LYN: variants seen among roughly 807,000 people sequenced by gnomAD.
LYN encodes the protein LYN proto-oncogene, Src family tyrosine kinase, also known as tyrosine-protein kinase Lyn.
A neutral mutation model predicts 65.0 loss-of-function variants in LYN; 12 were observed. The observed-to-expected ratio is 0.18, with a 90% CI of 0.12 to 0.30. The LOEUF (loss-of-function observed/expected upper bound fraction) is 0.30, where lower values mean the gene tolerates loss of function less well. Ranked by LOEUF, LYN falls within the 10% of genes least tolerant of loss-of-function variation. The probability of loss-of-function intolerance (pLI) is 1.00; values close to 1 mark genes in which losing one functional copy is unlikely to be tolerated. For missense variants in LYN, 380 were observed against 623.2 expected (o/e 0.61, Z 4.16); for synonymous variants, 222 against 221.2 (o/e 1.00, Z -0.03).
At chr8:55,909,026 C>CTTT (rs1805517821) in intron 1 of LYN, among the ~76,000 whole-genome samples, 1 of 73,230 alleles carries the variant, frequency 1.4e-5, no homozygotes, top group African/African-American at 5.7e-5. Flanking sequence ...CACACACACA[C>CTTT]ACACACACAC....
chr8:55,950,826 A>G (rs771916199), intron 6 of LYN, 42 bp downstream of exon 6: 18 of 1,394,958 alleles, frequency 1.3e-5, no homozygotes, highest in Non-Finnish European at 1.8e-5. Context: ...ACTATTTAGG[A>G]AATTATTTTT....
chr8:55,974,956 A>G (rs1807714888), intron 10 of LYN, among the ~76,000 whole-genome samples: 1 of 152,140 alleles, frequency 6.6e-6, no homozygotes. Context: ...CCCACTCCAT[A>G]TATAATCTCC....
chr8:55,987,124 C>A (rs1010831702), intron 10 of LYN, among the ~76,000 whole-genome samples: 8 of 152,044 alleles, frequency 5.3e-5, no homozygotes, highest in African/African-American at 1.9e-4. Flanking sequence ...TAAAAAGAAT[C>A]TTTTCTTGCC....
At chr8:55,972,004 G>A (rs1807621150) in intron 10 of LYN, among the ~76,000 whole-genome samples, 1 of 152,136 alleles carries the variant, frequency 6.6e-6, no homozygotes, top group African/African-American at 2.4e-5. Context: ...GGTGACAGGA[G>A]GGCCTGGGGG....
rs1808880726 is a variant in LYN, at chr8:56,013,880, C to T, written c.*3770C>T. 1 of 152,246 alleles carries T rather than the reference C, an allele frequency of 6.6e-6. No homozygotes were observed. The highest frequency in any genetic ancestry group is 2.4e-5 in the African/African-American group (1 of 41,446). The allele number at this position is 152,246 out of a possible 1,614,324, so 9.4% of individuals were successfully genotyped here. A position where few individuals can be genotyped will look rare whatever the true frequency, so the allele number is the denominator to read the frequency against. On this transcript the variant is annotated 3_prime_UTR_variant, in exon 13 of 13. Transcript: ENST00000519728. ...AGAGATCGTAGTTCTCTATTCCCTA[C>T]ATTTTAACTCCACGAATATTTTAGA...
At chr8:55,906,946 A>G (rs980394741) in intron 1 of LYN, among the ~76,000 whole-genome samples, 1 of 152,170 alleles carries the variant, frequency 6.6e-6, no homozygotes, top group Non-Finnish European at 1.5e-5. Context: ...CATCCCTTGC[A>G]AAACAGACTG....
In LYN at chr8:55,924,927, C is replaced by T. The variant is rs148178471; in HGVS notation, c.-5-16928C>T. On this transcript the variant is annotated intron_variant, in intron 1 of 12. Transcript: ENST00000519728. Reference sequence around the variant, plus strand: ...TGCGATCGTGGCTCACTGCAGCCTCCGCCTCCCAGGTTCAAGCGATTTTCC... The same window carrying T: ...TGCGATCGTGGCTCACTGCAGCCTCTGCCTCCCAGGTTCAAGCGATTTTCC... 3.3e-3 allele frequency among the ~76,000 whole-genome samples: 494 copies of T among 150,262 alleles called. 13 individuals carry two copies. The East Asian group carries it at 0.065, about 20-fold the overall frequency.
At position 55,909,028 on chromosome 8, in the gene LYN, CA is replaced by C. The variant is rs1563504872; in HGVS notation, c.-6+28926del. On this transcript the variant is annotated intron_variant, in intron 1 of 12. Transcript: ENST00000519728. ...ATATATATACACACACACACACACA[CA>C]CACACACACACACACACACACACCC... is the stretch of plus-strand genomic sequence containing the variant. 1.4e-3 allele frequency among the ~76,000 whole-genome samples: 87 copies of C among 60,312 alleles called. 17 individuals are homozygous for C. The South Asian group carries it at 0.03, about 21-fold the overall frequency. The allele number at this position is 60,312 out of a possible 152,430, so 39.6% of individuals were successfully genotyped here. A position where few individuals can be genotyped will look rare whatever the true frequency, so the allele number is the denominator to read the frequency against.
chr8:56,009,896 T>C lies in LYN; in HGVS notation c.1337-12T>C. On this transcript the variant is annotated splice_polypyrimidine_tract_variant and intron_variant, in intron 12 of 12. Coordinates refer to ENST00000519728, the MANE Select transcript of LYN (RefSeq NM_002350.4). ...CATGGGTTTCTGTTCTTTTTGTTTTTTTCCACCCTAGGGAGAACTAATGCC... is the reference window on the plus strand; with the variant it reads ...CATGGGTTTCTGTTCTTTTTGTTTTCTTCCACCCTAGGGAGAACTAATGCC... The C allele has an allele frequency of 1.2e-6, 2 of 1,612,338 alleles. No individual in the cohort carries two copies. The highest frequency in any genetic ancestry group is 4.5e-5 in the East Asian group (2 of 44,862).
chr8:55,942,032 C>A, intron 2 of LYN, 41 bp downstream of exon 2: 2 of 1,603,808 alleles, frequency 1.2e-6, no homozygotes, highest in South Asian at 1.1e-5. Flanking sequence ...ACAGCAAGAT[C>A]AAAGCATGGC....
intron 10 of LYN, among the ~76,000 whole-genome samples, chr8:55,984,220 G>A (rs1248403845): frequency 6.6e-6 from 1 of 152,174 alleles, no homozygotes; most frequent in Non-Finnish European, 1.5e-5. Context: ...CACATTCTGA[G>A]GTTCCGGGTG....
chr8:55,942,784 C>CAA lies in LYN; in HGVS notation c.132+811_132+812dup, dbSNP rs397891417. ...TGGGTGACAGAACAAGACTCTGTCT[C>CAA]AAAAAAAAAAAAAAAAAAAGATGTA... On this transcript the variant is annotated intron_variant, in intron 2 of 12. Transcript: ENST00000519728. Among the ~76,000 whole-genome samples, 413 of 83,818 alleles carry CAA rather than the reference C, an allele frequency of 4.9e-3. 9 individuals are homozygous for CAA. Among genetic ancestry groups the CAA allele is most frequent in the African/African-American group, 0.014 (368 of 26,348 alleles). 55.0% of individuals were successfully genotyped at this position (83,818 alleles called of 152,430 possible).
chr8:55,952,535 G>A (rs187268792), intron 7 of LYN, among the ~76,000 whole-genome samples: 1 of 152,332 alleles, frequency 6.6e-6, no homozygotes, highest in African/African-American at 2.4e-5. Flanking sequence ...ACTCCAGCCT[G>A]GGTGACAGAG....
chr8:55,942,866 C>G (rs1240327288), intron 2 of LYN, among the ~76,000 whole-genome samples: 1 of 149,938 alleles, frequency 6.7e-6, no homozygotes, highest in East Asian at 2.0e-4. Flanking sequence ...AAGTCAGAAA[C>G]TAAAATAGGT....
At chr8:55,939,944 A>G (rs529743870) in intron 1 of LYN, among the ~76,000 whole-genome samples, 2 of 152,330 alleles carry the variant, frequency 1.3e-5, no homozygotes, top group South Asian at 2.1e-4. Flanking sequence ...GCAGCTCGCT[A>G]GTTTCAGAAA....
At chr8:55,930,349 C>G (rs1375385555) in intron 1 of LYN, among the ~76,000 whole-genome samples, 1 of 152,170 alleles carries the variant, frequency 6.6e-6, no homozygotes, top group East Asian at 1.9e-4. Context: ...TTTAGATAAG[C>G]TGACAACTCT....
chr8:55,995,330 A>G (rs890677533), intron 10 of LYN, among the ~76,000 whole-genome samples: 2 of 152,198 alleles, frequency 1.3e-5, no homozygotes, highest in Non-Finnish European at 2.9e-5. Flanking sequence ...AAAGCTGTGC[A>G]TCTCCCCAGT....
chr8:55,955,931 C>G (rs901328819), intron 8 of LYN, among the ~76,000 whole-genome samples: 1 of 152,068 alleles, frequency 6.6e-6, no homozygotes, highest in Non-Finnish European at 1.5e-5. Context: ...ATTGGTGGAC[C>G]TTTCAGTTGT....
chr8:55,907,567 T>C (rs1221796873), intron 1 of LYN, among the ~76,000 whole-genome samples: 1 of 152,186 alleles, frequency 6.6e-6, no homozygotes, highest in South Asian at 2.1e-4. Context: ...GCTTTTTTTT[T>C]GGTGGAAAAT....
Sources: allele counts gnomAD v4.1 joint callset (sites outside exome capture counted in the v4.1 genomes callset), GRCh38; gene constraint gnomAD v4.1.1; transcripts MANE v1.5; gene names NCBI Gene and HGNC (gene_info 2026-07-23, HGNC 2026-07-21).